The following ARLN variants were observed in gnomAD, a reference collection of about 807,000 sequenced individuals.
The protein encoded by ARLN is allregulin.
At chr4:119,299,711 G>A in the ARLN span, among the ~76,000 whole-genome samples, 1 of 152,220 alleles carries the variant, frequency 6.6e-6, no homozygotes, top group East Asian at 1.9e-4. Context: ...ATATGTGGAT[G>A]TGTGTAAGAA....
At chr4:119,300,493 G>A in the ARLN span, 1 of 1,613,880 alleles carries the variant, frequency 6.2e-7, no homozygotes, top group East Asian at 2.2e-5. Context: ...CGCCGCTCCC[G>A]GAGACCATCT....
the ARLN span, chr4:119,304,349 T>G: frequency 6.5e-7 from 1 of 1,537,074 alleles, no homozygotes; most frequent in Non-Finnish European, 8.7e-7. Context: ...ATGAAGTATT[T>G]GTTTCCATAG....
chr4:119,300,683 T>A, the ARLN span: 1 of 1,538,336 alleles, frequency 6.5e-7, no homozygotes, highest in Non-Finnish European at 8.7e-7. Context: ...CTGAACCTAC[T>A]CTTCCCAGCG....
chr4:119,300,402 C>G, the ARLN span: 1 of 1,613,748 alleles, frequency 6.2e-7, no homozygotes, highest in Non-Finnish European at 8.5e-7. Flanking sequence ...GAGGTCCAAC[C>G]AGTAGGAGTG....
At chr4:119,297,968 A>G in the ARLN span, 1 of 152,732 alleles carries the variant, frequency 6.5e-6, no homozygotes, top group South Asian at 2.1e-4. Flanking sequence ...CCTGGCTCAA[A>G]TATTTGTTGA....
At chr4:119,298,435 A>C in the ARLN span, 3 of 192,322 alleles carry the variant, frequency 1.6e-5, 1 homozygote. Flanking sequence ...ACCCTGATCA[A>C]CTCTTAAAAC....
the ARLN span, chr4:119,300,898 A>G: frequency 7.7e-6 from 9 of 1,168,804 alleles, no homozygotes; most frequent in Non-Finnish European, 1.0e-5. Flanking sequence ...CTCCTCCCTG[A>G]AACTGCACGA....
At chr4:119,300,527 C>A in the ARLN span, 1 of 1,614,156 alleles carries the variant, frequency 6.2e-7, no homozygotes, top group East Asian at 2.2e-5. Flanking sequence ...CCGGTGCGTC[C>A]ACCTCCATCT....
At chr4:119,299,279 C>T in the ARLN span, among the ~76,000 whole-genome samples, 1 of 152,148 alleles carries the variant, frequency 6.6e-6, no homozygotes, top group Non-Finnish European at 1.5e-5. Flanking sequence ...CTTACTACAC[C>T]ATCCAAGAAA....
chr4:119,302,142 G>A, the ARLN span, among the ~76,000 whole-genome samples: 1 of 152,222 alleles, frequency 6.6e-6, no homozygotes, highest in Non-Finnish European at 1.5e-5. Flanking sequence ...AGTTATTGAA[G>A]TAGGATTGAT....
chr4:119,298,840 A>G, the ARLN span: 1 of 747,226 alleles, frequency 1.3e-6, no homozygotes, highest in Non-Finnish European at 2.5e-6. Context: ...TTAACACTTT[A>G]TGCCTATTTA....
At chr4:119,300,593 T>C in the ARLN span, 1 of 1,612,744 alleles carries the variant, frequency 6.2e-7, no homozygotes, top group Non-Finnish European at 8.5e-7. Flanking sequence ...GTTCCCGGAC[T>C]TTGGTGTTCG....
chr4:119,300,596 G>A, the ARLN span: 14 of 1,611,312 alleles, frequency 8.7e-6, no homozygotes, highest in Admixed American at 2.0e-4. Context: ...CCCGGACTTT[G>A]GTGTTCGCCG....
chr4:119,298,495 A>G, the ARLN span: 5 of 331,394 alleles, frequency 1.5e-5, no homozygotes, highest in South Asian at 9.6e-5. Flanking sequence ...ACCTTTAAGT[A>G]CAAATGCTTT....
the ARLN span, chr4:119,300,392 G>C: frequency 6.2e-7 from 1 of 1,613,614 alleles, no homozygotes; most frequent in Non-Finnish European, 8.5e-7. Flanking sequence ...TGAAAAGCCA[G>C]AGGTCCAACC....
the ARLN span, among the ~76,000 whole-genome samples, chr4:119,303,034 T>C: frequency 1.3e-5 from 2 of 152,124 alleles, no homozygotes; most frequent in African/African-American, 4.8e-5. Flanking sequence ...CAGTGGAGAA[T>C]TTGGTTACTG....
the ARLN span, chr4:119,304,264 TTTAAC>T: frequency 1.3e-6 from 2 of 1,535,972 alleles, no homozygotes; most frequent in South Asian, 2.4e-5. Flanking sequence ...AAACTTCACA[TTTAAC>T]TTGTCTCCAC....
At chr4:119,300,853 T>A in the ARLN span, 1 of 1,423,554 alleles carries the variant, frequency 7.0e-7, no homozygotes. Flanking sequence ...TACGTTCTCG[T>A]CCCCCTGAAA....
chr4:119,297,174 C>T, the ARLN span: 3 of 152,202 alleles, frequency 2.0e-5, no homozygotes, highest in Admixed American at 1.3e-4. Flanking sequence ...TCAACCATAC[C>T]TTCCATAGAT....
Sources: allele counts gnomAD v4.1 joint callset (sites outside exome capture counted in the v4.1 genomes callset), GRCh38; gene constraint gnomAD v4.1.1; transcripts MANE v1.5; gene names NCBI Gene and HGNC (gene_info 2026-07-23, HGNC 2026-07-21).